Variants in SBF2 observed in about 807,000 individuals in gnomAD.
SBF2 encodes the protein SET binding factor 2.
In SBF2, 112 loss-of-function variants were observed where a neutral mutation model predicts 225.2. The ratio of observed to expected loss-of-function variants is 0.50; its 90% CI spans 0.43 to 0.58. SBF2 has a LOEUF of 0.58. SBF2 is among the 20% of genes least tolerant of loss of function. SBF2 has a pLI of 0.00. For synonymous variants in SBF2, 763 were observed against 773.3 expected, an observed-to-expected ratio of 0.99 and a Z score of 0.22; for missense variants, 1,996 against 2,206.2, an observed-to-expected ratio of 0.90 and a Z score of 1.91.
intron 17 of SBF2, among the ~76,000 whole-genome samples, chr11:9,886,650 T>C (rs1860331329): frequency 6.6e-6 from 1 of 151,392 alleles, no homozygotes; most frequent in Non-Finnish European, 1.5e-5. Flanking sequence ...CACCATCGTG[T>C]TCCTTCTGCC....
rs1373401729 is a variant in SBF2, at chr11:9,847,036, T to C, written c.2854A>G (p.Lys952Glu). 6.2e-7 allele frequency: 1 copy of C among 1,613,836 alleles called. No individual in the cohort carries two copies. The highest frequency in any genetic ancestry group is 8.5e-7 in the Non-Finnish European group (1 of 1,179,722). Residue 952 changes from lysine to glutamate, a missense_variant, in exon 23 of 40, where the codon AAG becomes GAG. Physicochemically the swap from Lys to Glu is moderately conservative, Grantham distance 56. Coordinates refer to ENST00000256190, the MANE Select transcript of SBF2 (RefSeq NM_030962.4). ...VRSFPIASIT[K>E]EKKITMQNQL... ...TTCTGCATTGTAATCTTCTTCTCCT[T>C]GGTGATGGAGGCAATGGGAAAGCTC...
At chr11:9,838,288 A>T (rs935310902) in intron 26 of SBF2, 2 of 151,860 alleles carry the variant, frequency 1.3e-5, no homozygotes, top group African/African-American at 4.8e-5. Flanking sequence ...TACCATCATA[A>T]ATGCTTTATA....
chr11:9,868,393 C>T (rs2134039538), intron 17 of SBF2, among the ~76,000 whole-genome samples: 1 of 148,938 alleles, frequency 6.7e-6, no homozygotes, highest in Non-Finnish European at 1.5e-5. Flanking sequence ...TGGCGGGCGC[C>T]TGTAGTCCCA....
chr11:9,988,699 C>T (rs375513207), intron 13 of SBF2, among the ~76,000 whole-genome samples: 51 of 152,086 alleles, frequency 3.4e-4, no homozygotes, highest in African/African-American at 6.3e-4. Flanking sequence ...AAAGCCACAG[C>T]GCGATACCAT....
intron 4 of SBF2, among the ~76,000 whole-genome samples, chr11:10,030,583 GT>G (rs1344054208): frequency 6.6e-6 from 1 of 152,020 alleles, no homozygotes; most frequent in Non-Finnish European, 1.5e-5. Flanking sequence ...TGAAAATTCT[GT>G]GTTTCTAAAA....
At chr11:10,275,193 G>A (rs989024627) in intron 1 of SBF2, among the ~76,000 whole-genome samples, 1 of 151,806 alleles carries the variant, frequency 6.6e-6, no homozygotes, top group Non-Finnish European at 1.5e-5. Flanking sequence ...AAAAGAGAGA[G>A]AAGAGAAAAA....
chr11:10,043,441 T>C (rs1205999111), intron 2 of SBF2, among the ~76,000 whole-genome samples: 2 of 152,292 alleles, frequency 1.3e-5, no homozygotes, highest in African/African-American at 4.8e-5. Flanking sequence ...CACATTCTTG[T>C]CCATAAAACA....
At chr11:9,950,627 T>A (rs989715689) in intron 16 of SBF2, among the ~76,000 whole-genome samples, 2 of 152,230 alleles carry the variant, frequency 1.3e-5, no homozygotes, top group Admixed American at 1.3e-4. Context: ...CAGCTGTATG[T>A]AAACTTTAAG....
intron 2 of SBF2, among the ~76,000 whole-genome samples, chr11:10,045,753 A>G (rs1036698844): frequency 6.6e-6 from 1 of 152,222 alleles, no homozygotes; most frequent in Non-Finnish European, 1.5e-5. Flanking sequence ...CAATCTACCA[A>G]AACTCACACA....
chr11:10,084,133 G>A (rs1361190262), intron 2 of SBF2, among the ~76,000 whole-genome samples: 1 of 152,022 alleles, frequency 6.6e-6, no homozygotes, highest in African/African-American at 2.4e-5. Flanking sequence ...GAATCTATGA[G>A]GAATTCAAAC....
At chr11:10,121,577 A>G (rs979984694) in intron 2 of SBF2, among the ~76,000 whole-genome samples, 1 of 152,206 alleles carries the variant, frequency 6.6e-6, no homozygotes, top group Non-Finnish European at 1.5e-5. Flanking sequence ...CCAATTTTAC[A>G]TATGACTAGC....
At chr11:10,142,221 A>G (rs1456440745) in intron 2 of SBF2, among the ~76,000 whole-genome samples, 4 of 152,156 alleles carry the variant, frequency 2.6e-5, no homozygotes, top group African/African-American at 9.7e-5. Context: ...AAAAGCTTAT[A>G]ATTTCTTATC....
intron 27 of SBF2, 86 bp from the exon 28 acceptor site, chr11:9,829,582 A>G (rs1855265654): frequency 1.7e-6 from 2 of 1,185,210 alleles, no homozygotes; most frequent in Non-Finnish European, 2.5e-6. Context: ...CTACCTATCT[A>G]TCTATGCTTA....
intron 13 of SBF2, among the ~76,000 whole-genome samples, chr11:9,981,075 T>C (rs796247138): frequency 2.6e-5 from 4 of 152,306 alleles, no homozygotes; most frequent in African/African-American, 9.6e-5. Context: ...CCTGCTTGTA[T>C]CCAATTGGTT....
intron 2 of SBF2, among the ~76,000 whole-genome samples, chr11:10,094,528 A>ATTTTTGTTTT (rs1951932097): frequency 9.3e-6 from 1 of 107,300 alleles, no homozygotes; most frequent in Non-Finnish European, 1.9e-5. Context: ...ATACACACAG[A>ATTTTTGTTTT]TTTTTTTTTT....
chr11:10,192,151 T>C (rs545960417), intron 2 of SBF2, among the ~76,000 whole-genome samples: 1 of 152,296 alleles, frequency 6.6e-6, no homozygotes, highest in Admixed American at 6.5e-5. Context: ...GCCTGCTTAT[T>C]CACACTGTAA....
chr11:10,038,915 ATTAT>A (rs1292525109), intron 3 of SBF2, among the ~76,000 whole-genome samples: 7 of 152,026 alleles, frequency 4.6e-5, no homozygotes, highest in African/African-American at 7.2e-5. Context: ...TAATCAAATG[ATTAT>A]TTAGATAAGT....
At chr11:9,793,647 C>T (rs1251383089) in intron 33 of SBF2, among the ~76,000 whole-genome samples, 6 of 130,184 alleles carry the variant, frequency 4.6e-5, no homozygotes, top group Admixed American at 3.7e-4. Flanking sequence ...ACCTTGGCCT[C>T]CTCAAAGTGC....
intron 25 of SBF2, among the ~76,000 whole-genome samples, chr11:9,840,401 T>C (rs1856047411): frequency 6.6e-6 from 1 of 152,186 alleles, no homozygotes; most frequent in Admixed American, 6.5e-5. Flanking sequence ...AAATTAAAAG[T>C]GTAATGAATA....
Sources: allele counts gnomAD v4.1 joint callset (sites outside exome capture counted in the v4.1 genomes callset), GRCh38; gene constraint gnomAD v4.1.1; transcripts MANE v1.5; gene names NCBI Gene and HGNC (gene_info 2026-07-23, HGNC 2026-07-21).